TRRAP: variants seen among roughly 807,000 people sequenced by gnomAD.
TRRAP encodes the protein transformation/transcription domain associated protein, also known as transformation/transcription domain-associated protein.
TRRAP carries 41 observed loss-of-function variants against 438.8 expected under a neutral mutation model. The ratio of observed to expected loss-of-function variants is 0.09; its 90% confidence interval spans 0.07 to 0.12. TRRAP has a LOEUF of 0.12. Ranked by LOEUF, TRRAP falls within the 10% of genes least tolerant of loss-of-function variation. TRRAP has a pLI of 1.00. For missense variants in TRRAP, 3,122 were observed against 5,055.1 expected, an observed-to-expected ratio of 0.62 and a Z score of 11.60; for synonymous variants, 1,994 against 1,962.9, an observed-to-expected ratio of 1.02 and a Z score of -0.42.
intron 67 of TRRAP, among the ~76,000 whole-genome samples, chr7:99,003,048 A>G (rs1296552186): frequency 1.3e-5 from 2 of 152,188 alleles, no homozygotes; most frequent in African/African-American, 2.4e-5. Flanking sequence ...CTCAGCCAGC[A>G]TTCCATTTGG....
At chr7:98,946,012 G>A (rs782134642) in intron 33 of TRRAP, 62 bp downstream of exon 33, 31 of 1,371,404 alleles carry the variant, frequency 2.3e-5, no homozygotes, top group East Asian at 3.0e-5. Context: ...GCTGTGACTC[G>A]TTAGCTGTGT....
At chr7:98,921,622 C>A in intron 20 of TRRAP, 131 bp from the exon 21 acceptor site, 3 of 1,204,754 alleles carry the variant, frequency 2.5e-6, no homozygotes, top group Non-Finnish European at 3.5e-6. Context: ...GTGATCTACC[C>A]GCCTTAGCCT....
intron 49 of TRRAP, 45 bp downstream of exon 49, chr7:98,965,940 A>G (rs776621432): frequency 6.2e-7 from 1 of 1,602,652 alleles, no homozygotes; most frequent in Non-Finnish European, 8.5e-7. Flanking sequence ...TCAATAAAAG[A>G]AAATTCAAGC....
intron 31 of TRRAP, among the ~76,000 whole-genome samples, chr7:98,944,103 A>G (rs894466731): frequency 7.9e-5 from 12 of 151,926 alleles, no homozygotes; most frequent in Admixed American, 1.3e-4. Context: ...AGAATCAGGA[A>G]CTCTTCGTGG....
At chr7:98,888,356 G>A (rs1463901593) in intron 3 of TRRAP, among the ~76,000 whole-genome samples, 7 of 151,508 alleles carry the variant, frequency 4.6e-5, no homozygotes, top group Admixed American at 1.3e-4. Flanking sequence ...GACCAACATG[G>A]TGAAACCCTA....
intron 3 of TRRAP, among the ~76,000 whole-genome samples, chr7:98,885,498 A>G (rs1254459451): frequency 6.6e-6 from 1 of 152,160 alleles, no homozygotes; most frequent in African/African-American, 2.4e-5. Context: ...AGTGGGGTTG[A>G]ATCAAATACC....
intron 57 of TRRAP, 75 bp downstream of exon 57, chr7:98,978,398 G>C: frequency 7.6e-7 from 1 of 1,319,474 alleles, no homozygotes; most frequent in Non-Finnish European, 1.1e-6. Flanking sequence ...ACCTTTTCTT[G>C]TAATGAGCGT....
rs1335839859 is a variant in TRRAP, at chr7:98,978,258, T to G, written c.8433T>G (p.His2811Gln). Residue 2811 changes from histidine to glutamine, a missense_variant, in exon 57 of 73, where the codon CAT becomes CAG. This residue lies in a region of TRRAP where 992 missense variants were observed against 1,281.2 expected (regional missense o/e 0.77). Transcript: ENST00000456197. ...EKAMDKAKKEHERSNASPAIF... is the reference protein window; with the variant it reads ...EKAMDKAKKEQERSNASPAIF... ...CAATGGATAAAGCCAAAAAAGAACA[T>G]GAGAGGAGTAACGCCTCCCCTGCTA... 6.2e-7 allele frequency: 1 copy of G among 1,614,008 alleles called. No homozygotes were observed. The highest frequency in any genetic ancestry group is 8.5e-7 in the Non-Finnish European group (1 of 1,180,016).
chr7:98,886,643 A>C (rs1284151502), intron 3 of TRRAP, among the ~76,000 whole-genome samples: 4 of 152,216 alleles, frequency 2.6e-5, no homozygotes, highest in African/African-American at 9.6e-5. Flanking sequence ...CAAAGAATTA[A>C]ATACTAGAAT....
intron 65 of TRRAP, among the ~76,000 whole-genome samples, chr7:98,992,517 C>G (rs569794127): frequency 2.6e-5 from 4 of 152,116 alleles, no homozygotes; most frequent in South Asian, 2.1e-4. Context: ...TACCTTTCTC[C>G]TTAGTAGTAA....
rs975816850 is a variant in TRRAP at position 98,994,175 on chromosome 7, C to A, written c.10048-412C>A. Among the ~76,000 whole-genome samples, 2 of 152,142 alleles carry A rather than the reference C, an allele frequency of 1.3e-5. No individual in the cohort carries two copies. Among genetic ancestry groups the A allele is most frequent in the African/African-American group, 4.8e-5 (2 of 41,430 alleles). ...GACAGAATAGTCCACGCCTCACTGC[C>A]CAGATGCTTACCTGGTTGAGCCCCG... On this transcript the variant is annotated intron_variant, in intron 66 of 72. Coordinates refer to ENST00000456197, the MANE Select transcript of TRRAP (RefSeq NM_001375524.1). The surrounding 1 kb of genome is among the most constrained non-coding windows in gnomAD (Gnocchi z 4.8).
chr7:98,930,530 A>T (rs1790280748), intron 24 of TRRAP, 103 bp from the exon 25 acceptor site: 2 of 1,450,652 alleles, frequency 1.4e-6, no homozygotes, highest in Non-Finnish European at 1.9e-6. Context: ...GTGAGCCGAG[A>T]TCACACCATT....
chr7:98,939,665 T>C (rs1012490891), intron 30 of TRRAP, among the ~76,000 whole-genome samples: 4 of 152,216 alleles, frequency 2.6e-5, no homozygotes, highest in Non-Finnish European at 5.9e-5. Flanking sequence ...AAAATAAATA[T>C]ATAAAGTTAC....
At position 98,908,258 on chromosome 7, in the gene TRRAP, G is replaced by C. The variant is rs1335987653; in HGVS notation, c.1116-470G>C. On this transcript the variant is annotated intron_variant, in intron 13 of 72. Coordinates refer to ENST00000456197, the MANE Select transcript of TRRAP (RefSeq NM_001375524.1). This position sits in a 1 kb window ranked among gnomAD's most constrained non-coding sequence, Gnocchi z 4.1. Reference sequence around the variant, plus strand: ...GGACTGGGGCTCTACTTGGGTCACTGGGGTGTCCCTGGCAGGCCCAGGATC... The same window carrying C: ...GGACTGGGGCTCTACTTGGGTCACTCGGGTGTCCCTGGCAGGCCCAGGATC... 6.6e-6 allele frequency among the ~76,000 whole-genome samples: 1 copy of C among 152,212 alleles called. No homozygotes were observed. The highest frequency in any genetic ancestry group is 2.4e-5 in the African/African-American group (1 of 41,456).
At chr7:98,897,600 G>T in intron 7 of TRRAP, 141 bp from the exon 8 acceptor site, 1 of 1,093,854 alleles carries the variant, frequency 9.1e-7, no homozygotes, top group Non-Finnish European at 1.3e-6. Context: ...CTGTGGAGTT[G>T]GTGCAGCATA....
intron 1 of TRRAP, among the ~76,000 whole-genome samples, chr7:98,880,078 C>T (rs550265827): frequency 6.6e-6 from 1 of 152,058 alleles, no homozygotes; most frequent in African/African-American, 2.4e-5. Context: ...TGCTGCCTGG[C>T]AGCTACAAAC....
At chr7:98,929,538 A>G (rs1271007584) in intron 23 of TRRAP, among the ~76,000 whole-genome samples, 1 of 152,222 alleles carries the variant, frequency 6.6e-6, no homozygotes, top group Non-Finnish European at 1.5e-5. Context: ...TTTACACATA[A>G]TTGCAGTTTA....
chr7:98,975,627 T>C (rs1034161129), intron 53 of TRRAP, among the ~76,000 whole-genome samples: 1 of 152,246 alleles, frequency 6.6e-6, no homozygotes, highest in Admixed American at 6.5e-5. Context: ...TTCTCTTCTG[T>C]TCTGTTTCAG....
chr7:98,927,530 A>G (rs1303136986), intron 23 of TRRAP, among the ~76,000 whole-genome samples, 164 bp downstream of exon 23: 2 of 152,120 alleles, frequency 1.3e-5, no homozygotes, highest in African/African-American at 4.8e-5. Flanking sequence ...GATAATTGGT[A>G]TTTCAGTGGT....
Sources: gnomAD v4.1 joint callset for allele counts (sites outside exome capture counted in the v4.1 genomes callset) on GRCh38, gnomAD v4.1.1 for gene constraint, gnomAD v4.1.1 regional missense constraint, Gnocchi (gnomAD v3.1) non-coding constraint, MANE v1.5 for transcripts, NCBI Gene and HGNC (gene_info 2026-07-23, HGNC 2026-07-21) for gene names.